Variants in CYP2S1 observed in about 807,000 individuals in gnomAD.
The protein encoded by CYP2S1 is cytochrome P450 family 2 subfamily S member 1, also known as cytochrome P450 2S1.
Under a neutral mutation model 43.5 loss-of-function variants are expected in CYP2S1, and 32 were observed. The ratio of observed to expected loss-of-function variants is 0.74; its 90% CI spans 0.56 to 0.99. The LOEUF (loss-of-function observed/expected upper bound fraction) is 0.99, where lower values mean the gene tolerates loss of function less well. Ranked by LOEUF, CYP2S1 falls within the 50% of genes least tolerant of loss-of-function variation. The pLI is 0.00. For synonymous variants in CYP2S1, 283 were observed against 302.9 expected, an observed-to-expected ratio of 0.93 and a Z score of 0.68; for missense variants, 575 against 673.9, an observed-to-expected ratio of 0.85 and a Z score of 1.62.
chr19:41,193,753 C>T (rs1424514579), intron 1 of CYP2S1: 4 of 300,604 alleles, frequency 1.3e-5, no homozygotes, highest in African/African-American at 2.2e-5. Context: ...AGTCCTCCAG[C>T]CGAGGAGAAG....
rs2033485685 is a variant in CYP2S1 at position 41,201,306 on chromosome 19, A to G, written c.910A>G (p.Thr304Ala). The G allele has an allele frequency of 6.2e-7, 1 of 1,614,056 alleles. No homozygotes were observed. The highest frequency in any genetic ancestry group is 1.3e-5 in the African/African-American group (1 of 74,928). The change falls in exon 6 of 9, where the codon ACG (threonine) becomes GCG (alanine). Residue 304 changes from threonine (T) to alanine (A), a missense_variant. By Grantham distance (58) the Thr-to-Ala change is moderately conservative. Coordinates refer to ENST00000310054, the MANE Select transcript of CYP2S1 (RefSeq NM_030622.8). ...AGTCATTTATTTGCTGTTTGCTGGG[A>G]CGATGACGGTCAGCACCACGGTCGG... ...MTVIYLLFAG[T>A]MTVSTTVGYT...
At chr19:41,203,033 G>A (rs968601196) in intron 6 of CYP2S1, among the ~76,000 whole-genome samples, 21 of 151,698 alleles carry the variant, frequency 1.4e-4, no homozygotes, top group Admixed American at 3.3e-4. Context: ...CCCGGGAGGC[G>A]GAGTTGCAGC....
In CYP2S1 at chr19:41,203,502, C is replaced by G. The variant is rs992233348; in HGVS notation, c.1029C>G (p.Ser343Arg). 1 of 1,603,780 alleles carries G rather than the reference C, an allele frequency of 6.2e-7. No individual in the cohort carries two copies. Among genetic ancestry groups the G allele is most frequent in the Non-Finnish European group, 8.5e-7 (1 of 1,174,050 alleles). ...NRELGAGQAP[S>R]LGDRTRLPYT... is the part of the protein sequence containing the mutation. ...AGCTGGGGGCTGGCCAGGCACCAAGCCTAGGGGACCGTACCCGCCTCCCTT... is the reference window on the plus strand; with the variant it reads ...AGCTGGGGGCTGGCCAGGCACCAAGGCTAGGGGACCGTACCCGCCTCCCTT... Residue 343 changes from serine (S) to arginine (R), a missense_variant, in exon 7 of 9, where the codon AGC becomes AGG. Around this residue, in one of 2 missense-constraint regions of CYP2S1, gnomAD observed 222 missense variants for 306.3 expected, o/e 0.72. Coordinates refer to ENST00000310054, the MANE Select transcript of CYP2S1 (RefSeq NM_030622.8).
chr19:41,196,900 G>A (rs2033419723), intron 2 of CYP2S1, among the ~76,000 whole-genome samples: 1 of 152,130 alleles, frequency 6.6e-6, no homozygotes, highest in South Asian at 2.1e-4. Flanking sequence ...ATTCATCCTG[G>A]TTATTTACAG....
chr19:41,195,344 C>T (rs1316655630), intron 2 of CYP2S1, among the ~76,000 whole-genome samples: 4 of 152,168 alleles, frequency 2.6e-5, no homozygotes, highest in African/African-American at 9.7e-5. Flanking sequence ...TGTATTACAA[C>T]AGAAAGCAGG....
chr19:41,193,655 T>G (rs1599710776), intron 1 of CYP2S1: 1 of 1,007,498 alleles, frequency 9.9e-7, no homozygotes, highest in Non-Finnish European at 1.3e-6. Context: ...GATCGTGGGG[T>G]GGGGGACCAG....
At position 41,193,368 on chromosome 19, in the gene CYP2S1, G is replaced by T; in HGVS notation, c.104G>T (p.Gly35Val). 6.5e-7 allele frequency: 1 copy of T among 1,533,382 alleles called. No homozygotes were observed. The allele number at this position is 1,533,382 out of a possible 1,614,324, so 95.0% of individuals were successfully genotyped here. ...GTRARGHLPP[G>V]PTPLPLLGNL... is the part of the protein sequence containing the mutation. Reference sequence around the variant, plus strand: ...AGGGCCCGAGGCCACCTGCCCCCCGGGCCCACGCCGCTACCACTGCTGGGA... The same window carrying T: ...AGGGCCCGAGGCCACCTGCCCCCCGTGCCCACGCCGCTACCACTGCTGGGA... The change falls in exon 1 of 9, where the codon GGG (glycine) becomes GTG (valine). Residue 35 changes from glycine (G) to valine (V), a missense_variant. Physicochemically the swap from Gly to Val is moderately radical, Grantham distance 109. Coordinates refer to ENST00000310054, the MANE Select transcript of CYP2S1 (RefSeq NM_030622.8).
At chr19:41,205,846 A>G (rs2122171114) in intron 7 of CYP2S1, 112 bp from the exon 8 acceptor site, 1 of 1,368,006 alleles carries the variant, frequency 7.3e-7, no homozygotes, top group Non-Finnish European at 1.0e-6. Flanking sequence ...TGTTGATGCC[A>G]TTAGGTTTTG....
chr19:41,198,050 A>G lies in CYP2S1; in HGVS notation c.493+122A>G, dbSNP rs184623. 492,852 of 1,372,156 alleles carry G rather than the reference A, an allele frequency of 0.36. 90,704 individuals carry two copies. Among genetic ancestry groups the G allele is most frequent in the African/African-American group, 0.51 (34,996 of 68,202 alleles). 85.0% of individuals were successfully genotyped at this position (1,372,156 alleles called of 1,614,324 possible). On this transcript the variant is annotated intron_variant, in intron 3 of 8. Coordinates refer to ENST00000310054, the MANE Select transcript of CYP2S1 (RefSeq NM_030622.8). This position sits in a 1 kb window ranked among gnomAD's most constrained non-coding sequence, Gnocchi z 4.9. The stretch of plus-strand genomic sequence containing the variant: ...GGCAGGAGGGGAAGCCTTGAACTCT[A>G]GGGCTGGCCTGGGGGTTCTGTTCAC...
At chr19:41,205,850 G>C (rs338586) in intron 7 of CYP2S1, 108 bp from the exon 8 acceptor site, 8 of 1,398,520 alleles carry the variant, frequency 5.7e-6, no homozygotes, top group Non-Finnish European at 7.8e-6. Flanking sequence ...GATGCCATTA[G>C]GTTTTGTGAA....
chr19:41,196,579 C>G (rs766492234), intron 2 of CYP2S1, among the ~76,000 whole-genome samples: 21 of 151,848 alleles, frequency 1.4e-4, no homozygotes, highest in Non-Finnish European at 2.6e-4. Flanking sequence ...TTGGGAGAGG[C>G]CTGGGGCTCT....
At chr19:41,200,828 C>T (rs766656494) in intron 5 of CYP2S1, among the ~76,000 whole-genome samples, 1 of 152,136 alleles carries the variant, frequency 6.6e-6, no homozygotes, top group African/African-American at 2.4e-5. Context: ...TGTGAAACGA[C>T]GCAGCCCTGT....
In CYP2S1 at chr19:41,205,955, C is replaced by G; in HGVS notation, c.1165-3C>G. The G allele has an allele frequency of 1.2e-6, 2 of 1,613,152 alleles. No individual in the cohort carries two copies. Among genetic ancestry groups the G allele is most frequent in the Non-Finnish European group, 1.7e-6 (2 of 1,179,510 alleles). On this transcript the variant is annotated splice_region_variant and splice_polypyrimidine_tract_variant and intron_variant, in intron 7 of 8. Coordinates refer to ENST00000310054, the MANE Select transcript of CYP2S1 (RefSeq NM_030622.8). Reference sequence around the variant, plus strand: ...TTATAGTTTCATTATTATTTCCCCTCAGGGCACGGAGGTCTTCCCCCTCCT... The same window carrying G: ...TTATAGTTTCATTATTATTTCCCCTGAGGGCACGGAGGTCTTCCCCCTCCT...
At chr19:41,203,811 C>T (rs537668204) in intron 7 of CYP2S1, among the ~76,000 whole-genome samples, 174 bp downstream of exon 7, 1 of 151,722 alleles carries the variant, frequency 6.6e-6, no homozygotes, top group Non-Finnish European at 1.5e-5. Context: ...CTCCTACCCC[C>T]CTGCATCTTT....
intron 1 of CYP2S1, 125 bp from the exon 2 acceptor site, chr19:41,194,419 G>T (rs1599711131): frequency 8.0e-7 from 1 of 1,255,636 alleles, no homozygotes; most frequent in Non-Finnish European, 1.1e-6. Flanking sequence ...TGGGATGGGG[G>T]CAGGTTCCTG....
chr19:41,193,447 G>T lies in CYP2S1; in HGVS notation c.177+6G>T. The T allele has an allele frequency of 7.0e-7, 1 of 1,434,584 alleles. No individual in the cohort carries two copies. Among genetic ancestry groups the T allele is most frequent in the African/African-American group, 1.5e-5 (1 of 66,930 alleles). 88.9% of individuals were successfully genotyped at this position (1,434,584 alleles called of 1,614,324 possible). A position where few individuals can be genotyped will look rare whatever the true frequency, so the allele number is the denominator to read the frequency against. ...TGTATTCAGGGCTCATGCGGGTAAG[G>T]GGCTCTGGGGACGTCCTGGCTAGGG... On this transcript the variant is annotated splice_donor_region_variant and intron_variant, in intron 1 of 8. Transcript: ENST00000310054.
At chr19:41,194,779 T>C (rs2033390696) in intron 2 of CYP2S1, 70 bp downstream of exon 2, 1 of 1,553,094 alleles carries the variant, frequency 6.4e-7, no homozygotes, top group African/African-American at 1.4e-5. Flanking sequence ...CCTTTGCACA[T>C]GGCTTAGTCC....
rs2033576922 is a variant in CYP2S1 at position 41,206,296 on chromosome 19, T to C, written c.1323T>C (p.Leu441=). The C allele has an allele frequency of 6.2e-7, 1 of 1,614,026 alleles. No homozygotes were observed. The highest frequency in any genetic ancestry group is 8.5e-7 in the Non-Finnish European group (1 of 1,180,004). ...LPFSLGKRVC[L]GEGLAKAELF... is the part of the protein sequence containing the mutation. ...CCTCACCAGGGAAGCGTGTCTGCCT[T>C]GGAGAGGGCCTGGCAAAAGCGGAGC... is the stretch of plus-strand genomic sequence containing the variant. The change falls in exon 9 of 9, where the codon CTT becomes CTC. Residue 441 remains leucine, a synonymous_variant. Coordinates refer to ENST00000310054, the MANE Select transcript of CYP2S1 (RefSeq NM_030622.8).
Position 41,206,276 on chromosome 19 carries a change from C to G in CYP2S1, c.1307-4C>G. ...AGCCCTCTCTCTCTCTCTCTCCTCA[C>G]CAGGGAAGCGTGTCTGCCTTGGAGA... On this transcript the variant is annotated splice_region_variant and splice_polypyrimidine_tract_variant and intron_variant, in intron 8 of 8. Transcript: ENST00000310054. 1 of 1,613,976 alleles carries G rather than the reference C, an allele frequency of 6.2e-7. No individual in the cohort carries two copies. The highest frequency in any genetic ancestry group is 8.5e-7 in the Non-Finnish European group (1 of 1,180,020).
Sources: allele counts gnomAD v4.1 joint callset (sites outside exome capture counted in the v4.1 genomes callset), GRCh38; gene constraint gnomAD v4.1.1; regional missense constraint gnomAD v4.1.1; non-coding constraint Gnocchi (gnomAD v3.1); transcripts MANE v1.5; gene names NCBI Gene and HGNC (gene_info 2026-07-23, HGNC 2026-07-21).